SPAG9: variants seen among roughly 807,000 people sequenced by gnomAD.
SPAG9 encodes the protein sperm associated antigen 9.
In SPAG9, 35 loss-of-function variants were observed where a neutral mutation model predicts 166.5. The observed-to-expected ratio is 0.21, with a 90% CI of 0.16 to 0.28. The LOEUF is 0.28. Ranked by LOEUF, SPAG9 falls within the 10% of genes least tolerant of loss-of-function variation. The probability of loss-of-function intolerance (pLI) is 1.00; values close to 1 mark genes in which losing one functional copy is unlikely to be tolerated. For synonymous variants in SPAG9, 534 were observed against 565.5 expected (o/e 0.94, Z 0.79); for missense variants, 1,235 against 1,603.3 (o/e 0.77, Z 3.92).
intron 15 of SPAG9, 22 bp downstream of exon 15, chr17:50,998,414 AATATAATG>A (rs1179187415): frequency 6.3e-7 from 1 of 1,583,826 alleles, no homozygotes; most frequent in African/African-American, 1.4e-5. Context: ...CTTAATTTAG[AATATAATG>A]ATTAATTTGG....
At chr17:51,005,005 A>C (rs2045140499) in intron 12 of SPAG9, among the ~76,000 whole-genome samples, 2 of 152,216 alleles carry the variant, frequency 1.3e-5, no homozygotes, top group Non-Finnish European at 2.9e-5. Context: ...AGAGGCACAG[A>C]GGGAAAATGA....
intron 5 of SPAG9, among the ~76,000 whole-genome samples, chr17:51,033,862 TGTAA>T (rs1404226686): frequency 1.3e-5 from 2 of 152,230 alleles, no homozygotes; most frequent in African/African-American, 2.4e-5. Flanking sequence ...AAACAGTAAA[TGTAA>T]GTATTAATAA....
chr17:50,985,884 C>A (rs940548367), intron 22 of SPAG9, 106 bp from the exon 23 acceptor site: 2 of 613,124 alleles, frequency 3.3e-6, no homozygotes, highest in South Asian at 2.4e-5. Flanking sequence ...GAGTAACATA[C>A]AAATTTTAGG....
At chr17:50,970,421 G>A (rs1365679695) in intron 29 of SPAG9, among the ~76,000 whole-genome samples, 1 of 151,476 alleles carries the variant, frequency 6.6e-6, no homozygotes, top group African/African-American at 2.4e-5. Flanking sequence ...GGCTGAAGCA[G>A]GAGAATCACT....
At chr17:50,985,079 G>A (rs962778493) in intron 23 of SPAG9, 89 bp from the exon 24 acceptor site, 13 of 1,087,104 alleles carry the variant, frequency 1.2e-5, no homozygotes, top group Non-Finnish European at 1.7e-5. Context: ...GCCTCACAAA[G>A]GGCCAATCTG....
In SPAG9 at chr17:50,989,580, C is replaced by G. The variant is rs918493911; in HGVS notation, c.2813+97G>C. 1.5e-5 allele frequency: 14 copies of G among 929,816 alleles called. No individual in the cohort carries two copies. The Admixed American group carries it at 2.8e-4, about 18-fold the overall frequency. 57.6% of individuals were successfully genotyped at this position (929,816 alleles called of 1,614,324 possible). ...TATCTTTTAATCCACCACAGTGACACTAATTAGTGGAAATCTTTTGACTGT... is the reference window on the plus strand; with the variant it reads ...TATCTTTTAATCCACCACAGTGACAGTAATTAGTGGAAATCTTTTGACTGT... On this transcript the variant is annotated intron_variant, in intron 21 of 29. Coordinates refer to ENST00000262013, the MANE Select transcript of SPAG9 (RefSeq NM_001130528.3).
intron 5 of SPAG9, among the ~76,000 whole-genome samples, chr17:51,040,004 G>A (rs148664766): frequency 2.0e-5 from 3 of 152,250 alleles, no homozygotes; most frequent in South Asian, 4.2e-4. Flanking sequence ...GGAGGCTGAG[G>A]CGGGTGGATC....
chr17:50,968,017 G>A (rs1027111768), intron 29 of SPAG9, among the ~76,000 whole-genome samples: 5 of 152,150 alleles, frequency 3.3e-5, no homozygotes, highest in African/African-American at 9.7e-5. Flanking sequence ...TCCTCAGTAC[G>A]GTTCCAACTG....
At chr17:51,027,197 C>G (rs1043083612) in intron 6 of SPAG9, among the ~76,000 whole-genome samples, 1 of 151,910 alleles carries the variant, frequency 6.6e-6, no homozygotes, top group African/African-American at 2.4e-5. Context: ...TTTGGGAGGC[C>G]AAGACAGGTG....
chr17:51,027,502 CATAAG>C (rs1332414428), intron 6 of SPAG9, among the ~76,000 whole-genome samples: 1 of 151,870 alleles, frequency 6.6e-6, no homozygotes, highest in Non-Finnish European at 1.5e-5. Flanking sequence ...ACAGTACACT[CATAAG>C]ATAATACGAT....
chr17:51,085,959 A>ATTTTT lies in SPAG9; in HGVS notation c.304-6260_304-6256dup, dbSNP rs34918673. 2.0e-3 allele frequency among the ~76,000 whole-genome samples: 177 copies of ATTTTT among 88,078 alleles called. 2 individuals carry two copies. Among genetic ancestry groups the ATTTTT allele is most frequent in the African/African-American group, 2.6e-3 (56 of 21,932 alleles). 57.8% of individuals were successfully genotyped at this position (88,078 alleles called of 152,430 possible). On this transcript the variant is annotated intron_variant, in intron 1 of 29. Coordinates refer to ENST00000262013, the MANE Select transcript of SPAG9 (RefSeq NM_001130528.3). Reference sequence around the variant, plus strand: ...ATAATTTTTTATCCTCTTGGAAATCATTTTTTTTTTTTTTTTTTTTTTTTT... The same window carrying ATTTTT: ...ATAATTTTTTATCCTCTTGGAAATCATTTTTTTTTTTTTTTTTTTTTTTTTTTTTT...
intron 1 of SPAG9, among the ~76,000 whole-genome samples, chr17:51,115,833 A>AAAAAG (rs372714782): frequency 1.2e-3 from 181 of 151,064 alleles, no homozygotes; most frequent in Middle Eastern, 3.5e-3. Flanking sequence ...CATCTCAAAA[A>AAAAAG]AAAAGAAAAG....
At chr17:50,978,189 C>T (rs1974329419) in intron 26 of SPAG9, among the ~76,000 whole-genome samples, 2 of 152,116 alleles carry the variant, frequency 1.3e-5, no homozygotes, top group South Asian at 2.1e-4. Flanking sequence ...AACACTAGTA[C>T]TCATAAGTTC....
chr17:51,079,331 C>T (rs753042423), intron 2 of SPAG9, among the ~76,000 whole-genome samples: 2 of 151,948 alleles, frequency 1.3e-5, no homozygotes, highest in African/African-American at 2.4e-5. Flanking sequence ...CTCTGCCTCC[C>T]GGATTCAAAT....
rs189901204 is a variant in SPAG9, at chr17:51,064,762, A to G, written c.425-8280T>C. Among the ~76,000 whole-genome samples the G allele has an allele frequency of 3.0e-3, 452 of 152,286 alleles. 1 individual carries two copies. Among genetic ancestry groups the G allele is most frequent in the African/African-American group, 9.9e-3 (413 of 41,554 alleles). ...TCTTGGGGTGATAAAAATGTTCTGG[A>G]ATTAGTGGTGGCGATTGTACAACCT... On this transcript the variant is annotated intron_variant, in intron 2 of 29. Coordinates refer to ENST00000262013, the MANE Select transcript of SPAG9 (RefSeq NM_001130528.3).
At chr17:51,063,910 G>C (rs957059705) in intron 2 of SPAG9, among the ~76,000 whole-genome samples, 6 of 151,794 alleles carry the variant, frequency 4.0e-5, no homozygotes, top group African/African-American at 1.2e-4. Flanking sequence ...AAGTAAGTAA[G>C]TAAGTAAGTA....
chr17:51,077,025 GCTATCTAT>G lies in SPAG9; in HGVS notation c.424+2551_424+2558del, dbSNP rs370909859. On this transcript the variant is annotated intron_variant, in intron 2 of 29. Coordinates refer to ENST00000262013, the MANE Select transcript of SPAG9 (RefSeq NM_001130528.3). ...ATCTAGCTAGCTAGCTAGCTATCTA[GCTATCTAT>G]CTAGCTATCTAGCTATCTAGCTAGC... Among the ~76,000 whole-genome samples the G allele has an allele frequency of 2.2e-3, 190 of 86,678 alleles. 2 individuals are homozygous for G. Among genetic ancestry groups the G allele is most frequent in the African/African-American group, 7.7e-3 (166 of 21,476 alleles). 56.9% of individuals were successfully genotyped at this position (86,678 alleles called of 152,430 possible).
intron 2 of SPAG9, 65 bp from the exon 3 acceptor site, chr17:51,056,547 T>TA (rs2047367386): frequency 9.7e-7 from 1 of 1,031,352 alleles, no homozygotes; most frequent in Non-Finnish European, 1.5e-6. Context: ...AAGTACATGT[T>TA]AGACTCAGAA....
intron 3 of SPAG9, 28 bp from the exon 4 acceptor site, chr17:51,047,497 A>G: frequency 1.9e-6 from 2 of 1,070,428 alleles, no homozygotes. Flanking sequence ...AAAATACACA[A>G]TATTTAAGGC....
Sources: gnomAD v4.1 joint callset for allele counts (sites outside exome capture counted in the v4.1 genomes callset) on GRCh38, gnomAD v4.1.1 for gene constraint, MANE v1.5 for transcripts, NCBI Gene and HGNC (gene_info 2026-07-23, HGNC 2026-07-21) for gene names.